SLC28A1: variants seen among roughly 807,000 people sequenced by gnomAD.
The protein encoded by SLC28A1 is sodium/nucleoside cotransporter 1.
A neutral mutation model predicts 74.8 loss-of-function variants in SLC28A1; 64 were observed. That is an observed-to-expected ratio of 0.86 (90% confidence interval 0.70 to 1.05). The LOEUF (loss-of-function observed/expected upper bound fraction) is 1.05, where lower values mean the gene tolerates loss of function less well. Ranked by LOEUF, SLC28A1 falls within the 50% of genes least tolerant of loss-of-function variation. The pLI, the probability that SLC28A1 is intolerant of heterozygous loss-of-function variation, is 0.00. For synonymous variants in SLC28A1, 359 were observed against 335.0 expected, an observed-to-expected ratio of 1.07 and a Z score of -0.78; for missense variants, 828 against 822.8, an observed-to-expected ratio of 1.01 and a Z score of -0.08.
At chr15:84,950,359 C>CTT (rs571049176), downstream of SLC28A1, among the ~76,000 whole-genome samples, 2 of 127,598 alleles carry the variant, frequency 1.6e-5, no homozygotes, top group Non-Finnish European at 3.4e-5. Context: ...CGCCAGTCTC[C>CTT]TTTTTTTTTT....
intron 6 of SLC28A1, among the ~76,000 whole-genome samples, chr15:84,900,911 G>GAAGGAAGT (rs1178592160): frequency 8.2e-6 from 1 of 121,954 alleles, no homozygotes; most frequent in African/African-American, 2.8e-5. Flanking sequence ...AGGAAGGAAG[G>GAAGGAAGT]AAGTTAGTTG....
chr15:84,890,997 A>G (rs2141653332), intron 5 of SLC28A1, among the ~76,000 whole-genome samples: 2 of 152,250 alleles, frequency 1.3e-5, no homozygotes, highest in Middle Eastern at 6.8e-3. Context: ...CTGGAGGGTA[A>G]AGTTCTAGAC....
At chr15:84,904,916 C>T (rs1414634442) in intron 7 of SLC28A1, among the ~76,000 whole-genome samples, 1 of 152,264 alleles carries the variant, frequency 6.6e-6, no homozygotes, top group South Asian at 2.1e-4. Flanking sequence ...TAAGATCCCT[C>T]CCTGTTTCAC....
chr15:84,910,718 A>G (rs796965853), intron 9 of SLC28A1, among the ~76,000 whole-genome samples: 2 of 152,292 alleles, frequency 1.3e-5, no homozygotes, highest in South Asian at 2.1e-4. Context: ...ACAAGAGCGA[A>G]ACTGCATCTC....
intron 10 of SLC28A1, among the ~76,000 whole-genome samples, chr15:84,920,243 C>G (rs762806235): frequency 1.3e-5 from 2 of 152,174 alleles, no homozygotes; most frequent in Admixed American, 6.5e-5. Flanking sequence ...GTCAGGAGTT[C>G]GAGACCAGTC....
At chr15:84,973,982 G>A in the SLC28A1 span, among the ~76,000 whole-genome samples, 6 of 152,182 alleles carry the variant, frequency 3.9e-5, no homozygotes, top group Non-Finnish European at 5.9e-5. Flanking sequence ...CCCCTGACAA[G>A]AGAATGACAA....
chr15:84,972,904 T>C, the SLC28A1 span, among the ~76,000 whole-genome samples: 38 of 152,372 alleles, frequency 2.5e-4, no homozygotes, highest in African/African-American at 8.4e-4. Flanking sequence ...GTTATTTTTC[T>C]TGTCAGCCAA....
chr15:84,950,735 A>C (rs1173169540), downstream of SLC28A1, among the ~76,000 whole-genome samples: 1 of 152,030 alleles, frequency 6.6e-6, no homozygotes, highest in African/African-American at 2.4e-5. Context: ...ACATTTCTCA[A>C]CCTTCCTGGG....
At chr15:84,936,482 C>A (rs997809625) in intron 15 of SLC28A1, among the ~76,000 whole-genome samples, 1 of 152,032 alleles carries the variant, frequency 6.6e-6, no homozygotes, top group Non-Finnish European at 1.5e-5. Context: ...GTCTTGAAAT[C>A]CTGACCTCAA....
At chr15:84,920,373 GA>G (rs1321747114) in intron 10 of SLC28A1, among the ~76,000 whole-genome samples, 2 of 151,896 alleles carry the variant, frequency 1.3e-5, no homozygotes, top group African/African-American at 4.8e-5. Flanking sequence ...TTGAACCTGG[GA>G]GGCAGAGGTT....
chr15:84,885,181 A>G (rs922899745), intron 1 of SLC28A1, among the ~76,000 whole-genome samples: 4 of 149,698 alleles, frequency 2.7e-5, no homozygotes, highest in Non-Finnish European at 4.4e-5. Context: ...CTGGTCTCGA[A>G]CTCCTGGCTT....
In SLC28A1 at chr15:84,943,435, G is replaced by A; in HGVS notation, c.1582-10G>A. ...GGGAGCCCCTCCTCATGCATCTTCT[G>A]TATTTTCAGGTCAGAGCTGAAGTCC... is the stretch of plus-strand genomic sequence containing the variant. On this transcript the variant is annotated splice_polypyrimidine_tract_variant and intron_variant, in intron 15 of 18. Coordinates refer to ENST00000394573, the MANE Select transcript of SLC28A1 (RefSeq NM_004213.5). 7 of 1,611,350 alleles carry A rather than the reference G, an allele frequency of 4.3e-6. No individual in the cohort carries two copies. The highest frequency in any genetic ancestry group is 5.9e-6 in the Non-Finnish European group (7 of 1,177,758).
intron 6 of SLC28A1, among the ~76,000 whole-genome samples, chr15:84,902,963 C>T (rs1389456809): frequency 6.6e-6 from 1 of 152,154 alleles, no homozygotes; most frequent in East Asian, 1.9e-4. Context: ...TGCCTGACCT[C>T]AGGTGATCCA....
At position 84,935,182 on chromosome 15, in the gene SLC28A1, G is replaced by A. The variant is rs748344587; in HGVS notation, c.1371G>A (p.Gly457=). Residue 457 remains glycine, a synonymous_variant, in exon 14 of 19, where the codon GGG becomes GGA. Coordinates refer to ENST00000394573, the MANE Select transcript of SLC28A1 (RefSeq NM_004213.5). ...SWLGDMVDIQ[G]LSFQLICSYI... ...TGGGAGACATGGTGGACATCCAAGG[G>A]CTCAGCTTCCAGGTGCGTTTCTGGC... 2.0e-5 allele frequency: 32 copies of A among 1,613,798 alleles called. No homozygotes were observed. Among genetic ancestry groups the A allele is most frequent in the Admixed American group, 5.0e-5 (3 of 60,000 alleles).
intron 15 of SLC28A1, 34 bp downstream of exon 15, chr15:84,935,552 G>T (rs1203573681): frequency 1.3e-6 from 2 of 1,570,844 alleles, no homozygotes; most frequent in South Asian, 2.2e-5. Context: ...GCAGCAGGGG[G>T]ATGACACGGC....
chr15:84,958,189 G>C, the SLC28A1 span, among the ~76,000 whole-genome samples: 1 of 152,194 alleles, frequency 6.6e-6, no homozygotes, highest in African/African-American at 2.4e-5. Context: ...AAATCCGCAA[G>C]CTCTGAGAGC....
chr15:84,899,131 G>C (rs1010567600), intron 6 of SLC28A1, among the ~76,000 whole-genome samples: 1 of 151,490 alleles, frequency 6.6e-6, no homozygotes, highest in East Asian at 2.0e-4. Context: ...ATAAACCTCA[G>C]AATTCACAGG....
rs1441591709 is a variant in SLC28A1, at chr15:84,901,447, T to C, written c.462-2650T>C. Among the ~76,000 whole-genome samples the C allele has an allele frequency of 2.0e-5, 3 of 151,860 alleles. No individual in the cohort carries two copies. In the East Asian group the frequency reaches 5.8e-4, roughly 29 times the overall value. ...GCTCGAACCCAGGAGGTGGAAGTTG[T>C]AGTGAGCCAGGATCTTGTGCCTCTG... On this transcript the variant is annotated intron_variant, in intron 6 of 18. Transcript: ENST00000394573.
chr15:84,946,112 A>ATATATATATATTTT (rs57190791), downstream of SLC28A1, among the ~76,000 whole-genome samples: 1 of 13,472 alleles, frequency 7.4e-5, no homozygotes, highest in Non-Finnish European at 1.2e-4. Context: ...ATATATATAT[A>ATATATATATATTTT]TTTTTTTTTT....
Sources: gnomAD v4.1 joint callset for allele counts (sites outside exome capture counted in the v4.1 genomes callset) on GRCh38, gnomAD v4.1.1 for gene constraint, MANE v1.5 for transcripts, NCBI Gene and HGNC (gene_info 2026-07-23, HGNC 2026-07-21) for gene names.